ZBTB20: variants seen among roughly 807,000 people sequenced by gnomAD.
The protein encoded by ZBTB20 is zinc finger and BTB domain containing 20.
ZBTB20 carries 9 observed loss-of-function variants against 56.9 expected under a neutral mutation model. That is an observed-to-expected ratio of 0.16 (90% confidence interval 0.10 to 0.28). The LOEUF (loss-of-function observed/expected upper bound fraction) is 0.28, where lower values mean the gene tolerates loss of function less well. Ranked by LOEUF, ZBTB20 falls within the 10% of genes least tolerant of loss-of-function variation. The probability of loss-of-function intolerance (pLI) is 1.00; values close to 1 mark genes in which losing one functional copy is unlikely to be tolerated. For synonymous variants in ZBTB20, 417 were observed against 420.7 expected, an observed-to-expected ratio of 0.99 and a Z score of 0.11; for missense variants, 655 against 1,003.0, an observed-to-expected ratio of 0.65 and a Z score of 4.69.
chr3:114,610,341 C>T (rs924496949), intron 6 of ZBTB20, among the ~76,000 whole-genome samples: 1 of 152,144 alleles, frequency 6.6e-6, no homozygotes, highest in African/African-American at 2.4e-5. Context: ...TGAAAAGAAG[C>T]ATCAATATGC....
chr3:114,570,837 CTCAA>C (rs1400795028), intron 6 of ZBTB20, among the ~76,000 whole-genome samples: 2 of 152,016 alleles, frequency 1.3e-5, no homozygotes, highest in Admixed American at 6.6e-5. Context: ...AATTTGGGCT[CTCAA>C]TCAAAGTGAA....
At chr3:115,059,565 A>C (rs1374366317) in intron 2 of ZBTB20, among the ~76,000 whole-genome samples, 1 of 152,158 alleles carries the variant, frequency 6.6e-6, no homozygotes, top group African/African-American at 2.4e-5. Context: ...GTTTACCCAA[A>C]GTATGCACAG....
At chr3:114,835,702 G>C (rs550104406) in intron 4 of ZBTB20, among the ~76,000 whole-genome samples, 1 of 152,254 alleles carries the variant, frequency 6.6e-6, no homozygotes, top group East Asian at 1.9e-4. Flanking sequence ...TAGTGGACTA[G>C]AGAATCATGC....
intron 7 of ZBTB20, among the ~76,000 whole-genome samples, chr3:114,469,412 A>G (rs942376374): frequency 3.9e-5 from 6 of 152,188 alleles, no homozygotes; most frequent in African/African-American, 1.4e-4. Context: ...ACATGCTTTA[A>G]TGATATAAAA....
chr3:114,334,357 G>C lies in ZBTB20; in HGVS notation c.*4648C>G, dbSNP rs1328772204. The C allele has an allele frequency of 6.6e-6, 1 of 152,112 alleles. No homozygotes were observed. The highest frequency in any genetic ancestry group is 6.6e-5 in the Admixed American group (1 of 15,258). The allele number at this position is 152,112 out of a possible 1,614,324, so 9.4% of individuals were successfully genotyped here. The stretch of plus-strand genomic sequence containing the variant: ...ATATGGCTTTATTATGTTTTCTCAG[G>C]AATCGAAGGGGTTTTATAAGGGGCA... On this transcript the variant is annotated 3_prime_UTR_variant, in exon 12 of 12. Coordinates refer to ENST00000675478, the MANE Select transcript of ZBTB20 (RefSeq NM_001348800.3).
intron 2 of ZBTB20, among the ~76,000 whole-genome samples, chr3:115,004,022 A>T (rs2079364619): frequency 6.6e-6 from 1 of 151,764 alleles, no homozygotes; most frequent in South Asian, 2.1e-4. Flanking sequence ...TAGTCATTTT[A>T]AAATTAATGC....
At chr3:114,839,252 T>A (rs1389104534) in intron 4 of ZBTB20, among the ~76,000 whole-genome samples, 3 of 151,834 alleles carry the variant, frequency 2.0e-5, no homozygotes, top group African/African-American at 7.3e-5. Flanking sequence ...AATACAAAAC[T>A]GTGCTTGGTG....
chr3:114,585,968 A>G (rs1439446812), intron 6 of ZBTB20, among the ~76,000 whole-genome samples: 1 of 152,224 alleles, frequency 6.6e-6, no homozygotes, highest in Non-Finnish European at 1.5e-5. Flanking sequence ...TGTTTGTTCC[A>G]TACTTTCCAT....
rs148248223 is a variant in ZBTB20, at chr3:115,084,066, G to T, written c.-702-12652C>A. 1.1e-3 allele frequency among the ~76,000 whole-genome samples: 161 copies of T among 151,670 alleles called. 2 individuals are homozygous for T. Among genetic ancestry groups the T allele is most frequent in the African/African-American group, 3.6e-3 (151 of 41,392 alleles). On this transcript the variant is annotated intron_variant, in intron 1 of 11. Transcript: ENST00000675478. ...AGTGTTAAAAGTTTTTTTAATAAAG[G>T]ATAGTAAAATAATGTTAGATGCAAT...
rs1364392120 is a variant in ZBTB20, at chr3:114,576,581, T to C, written c.-294-76190A>G. ...CTGATATAAGGTGTTATAACAAAAA[T>C]AATAAATTGAGTGATAAGAGGAGAC... On this transcript the variant is annotated intron_variant, in intron 6 of 11. Transcript: ENST00000675478. 4.8e-4 allele frequency among the ~76,000 whole-genome samples: 24 copies of C among 50,046 alleles called. No individual in the cohort carries two copies. The East Asian group carries it at 0.02, about 41-fold the overall frequency. The allele number at this position is 50,046 out of a possible 152,430, so 32.8% of individuals were successfully genotyped here.
intron 5 of ZBTB20, among the ~76,000 whole-genome samples, chr3:114,736,693 G>A (rs2066185402): frequency 1.3e-5 from 2 of 152,110 alleles, no homozygotes; most frequent in South Asian, 2.1e-4. Context: ...TCACACAGAG[G>A]GAGAACAGCT....
At chr3:114,948,832 T>C (rs949184032) in intron 3 of ZBTB20, among the ~76,000 whole-genome samples, 2 of 146,326 alleles carry the variant, frequency 1.4e-5, no homozygotes, top group Non-Finnish European at 2.9e-5. Context: ...ATAAAATAAG[T>C]ATGAATTATA....
At chr3:114,746,019 C>A (rs1011080617) in intron 5 of ZBTB20, among the ~76,000 whole-genome samples, 2 of 152,162 alleles carry the variant, frequency 1.3e-5, no homozygotes, top group African/African-American at 4.8e-5. Flanking sequence ...GGCGTAAAAG[C>A]ATCTCCCTGC....
intron 7 of ZBTB20, among the ~76,000 whole-genome samples, chr3:114,425,300 G>C (rs2089549302): frequency 6.6e-6 from 1 of 152,134 alleles, no homozygotes; most frequent in Non-Finnish European, 1.5e-5. Flanking sequence ...AGAGATGACT[G>C]GACAAGTCCC....
chr3:114,450,144 C>G (rs1346267730), intron 7 of ZBTB20, among the ~76,000 whole-genome samples: 1 of 152,160 alleles, frequency 6.6e-6, no homozygotes, highest in African/African-American at 2.4e-5. Flanking sequence ...AGTAGACTCA[C>G]AGAAGGTGCC....
At chr3:114,930,798 C>G in intron 3 of ZBTB20, 1 of 294,942 alleles carries the variant, frequency 3.4e-6, no homozygotes, top group Non-Finnish European at 6.8e-6. Flanking sequence ...CCAGGAAGTA[C>G]CTTAGCAGTG....
At chr3:114,623,503 A>G (rs1487636988) in intron 6 of ZBTB20, among the ~76,000 whole-genome samples, 2 of 152,166 alleles carry the variant, frequency 1.3e-5, no homozygotes, top group Non-Finnish European at 2.9e-5. Context: ...AATGCAGAAG[A>G]ATAAAGAAGA....
intron 7 of ZBTB20, among the ~76,000 whole-genome samples, chr3:114,422,158 A>C (rs1253099588): frequency 6.6e-6 from 1 of 152,188 alleles, no homozygotes; most frequent in Non-Finnish European, 1.5e-5. Flanking sequence ...AGAGAAATGA[A>C]AGACTAACTA....
chr3:114,325,734 A>G lies in ZBTB20; in HGVS notation c.*13271T>C, dbSNP rs1414728103. ...GTTTTTCTCTGTTCACTTAATTGAAATTGCAATTATTTTAAAGATTGAGCC... is the reference window on the plus strand; with the variant it reads ...GTTTTTCTCTGTTCACTTAATTGAAGTTGCAATTATTTTAAAGATTGAGCC... On this transcript the variant is annotated 3_prime_UTR_variant, in exon 12 of 12. Coordinates refer to ENST00000675478, the MANE Select transcript of ZBTB20 (RefSeq NM_001348800.3). 8 of 152,274 alleles carry G rather than the reference A, an allele frequency of 5.3e-5. No individual in the cohort carries two copies. Among genetic ancestry groups the G allele is most frequent in the African/African-American group, 1.9e-4 (8 of 41,540 alleles). The allele number at this position is 152,274 out of a possible 1,614,324, so 9.4% of individuals were successfully genotyped here.
Sources: allele counts gnomAD v4.1 joint callset (sites outside exome capture counted in the v4.1 genomes callset), GRCh38; gene constraint gnomAD v4.1.1; transcripts MANE v1.5; gene names NCBI Gene and HGNC (gene_info 2026-07-23, HGNC 2026-07-21).